The following DISC1 variants were observed in gnomAD, a reference collection of about 807,000 sequenced individuals.
DISC1 encodes the protein DISC1 scaffold protein.
DISC1 carries 57 observed loss-of-function variants against 84.5 expected under a neutral mutation model. The ratio of observed to expected loss-of-function variants is 0.67; its 90% CI spans 0.55 to 0.84. The LOEUF (loss-of-function observed/expected upper bound fraction) is 0.84, where lower values mean the gene tolerates loss of function less well. DISC1 is among the 40% of genes least tolerant of loss of function. DISC1 has a pLI of 0.00. For synonymous variants in DISC1, 411 were observed against 415.2 expected, an observed-to-expected ratio of 0.99 and a Z score of 0.12; for missense variants, 1,000 against 1,057.8, an observed-to-expected ratio of 0.95 and a Z score of 0.76.
rs117583228 is a variant in DISC1 at position 231,994,457 on chromosome 1, C to T, written c.2043-14328C>T. ...TCTATTGATTACTCCAAGGAAGGCACCAAGGTCAGCCCAGATTCAAGAGAG... is the reference window on the plus strand; with the variant it reads ...TCTATTGATTACTCCAAGGAAGGCATCAAGGTCAGCCCAGATTCAAGAGAG... On this transcript the variant is annotated intron_variant, in intron 10 of 12. Transcript: ENST00000439617. Among the ~76,000 whole-genome samples the T allele has an allele frequency of 4.1e-3, 624 of 152,286 alleles. 20 individuals carry two copies. In the South Asian group the frequency reaches 0.088, roughly 21 times the overall value.
intron 9 of DISC1, chr1:231,819,043 T>C (rs759920263): frequency 2.0e-6 from 2 of 988,602 alleles, no homozygotes; most frequent in Non-Finnish European, 2.4e-6. Flanking sequence ...AGTTCAAGTG[T>C]TCCTGTGTTC....
chr1:231,681,375 G>A (rs1354062100), intron 1 of DISC1, among the ~76,000 whole-genome samples: 2 of 151,858 alleles, frequency 1.3e-5, no homozygotes, highest in Non-Finnish European at 1.5e-5. Flanking sequence ...GTGTCTATGT[G>A]ATCCGTGTTG....
chr1:231,905,673 G>A (rs1035857148), intron 9 of DISC1, among the ~76,000 whole-genome samples: 1 of 151,984 alleles, frequency 6.6e-6, no homozygotes, highest in Non-Finnish European at 1.5e-5. Context: ...AACTCAAAGC[G>A]ACTAAGAGAC....
At chr1:231,790,778 A>G (rs970594637) in intron 6 of DISC1, among the ~76,000 whole-genome samples, 3 of 152,106 alleles carry the variant, frequency 2.0e-5, no homozygotes, top group Admixed American at 2.0e-4. Context: ...TCGGCCTCCC[A>G]AAGTGCTGGG....
intron 9 of DISC1, among the ~76,000 whole-genome samples, chr1:231,931,147 G>A (rs1202507752): frequency 1.3e-5 from 2 of 152,132 alleles, no homozygotes; most frequent in Non-Finnish European, 1.5e-5. Flanking sequence ...GGAGATGGAG[G>A]TAGTTCTTAG....
At chr1:231,677,361 G>A (rs1369243637) in intron 1 of DISC1, among the ~76,000 whole-genome samples, 2 of 152,138 alleles carry the variant, frequency 1.3e-5, no homozygotes, top group East Asian at 3.8e-4. Flanking sequence ...CACAAAGAAG[G>A]AAAAAGGGAG....
In DISC1 at chr1:231,694,720, G is replaced by A. The variant is rs764755492; in HGVS notation, c.962G>A (p.Gly321Glu). 8 of 1,614,052 alleles carry A rather than the reference G, an allele frequency of 5.0e-6. No homozygotes were observed. In the East Asian group the frequency reaches 1.6e-4, roughly 31 times the overall value. The change falls in exon 2 of 13, where the codon GGG becomes GAG. Residue 321 changes from glycine (G) to glutamate (E), a missense_variant. Gly to Glu is a moderately conservative substitution (Grantham distance 98). Around this residue, in one of 3 missense-constraint regions of DISC1, gnomAD observed 311 missense variants for 400.1 expected, o/e 0.78. Transcript: ENST00000439617. ...GGTGGTGATGGGAGCAGCGGCTCAGGGGATGCCCACTCTTGGGACACCCTG... is the reference window on the plus strand; with the variant it reads ...GGTGGTGATGGGAGCAGCGGCTCAGAGGATGCCCACTCTTGGGACACCCTG... The part of the protein sequence containing the change: ...GCGGDGSSGS[G>E]DAHSWDTLLR...
chr1:232,021,911 C>T (rs930352481), intron 11 of DISC1, among the ~76,000 whole-genome samples: 1 of 152,152 alleles, frequency 6.6e-6, no homozygotes, highest in Admixed American at 6.5e-5. Flanking sequence ...TGGCTGTTGA[C>T]TAGGGCTTTA....
intron 6 of DISC1, among the ~76,000 whole-genome samples, chr1:231,776,025 C>G (rs1189351720): frequency 6.6e-5 from 10 of 152,088 alleles, no homozygotes; most frequent in Admixed American, 5.9e-4. Context: ...GCATGAGGTT[C>G]CATCTATTTA....
intron 10 of DISC1, among the ~76,000 whole-genome samples, chr1:232,003,867 G>C (rs893881134): frequency 2.6e-5 from 4 of 151,888 alleles, no homozygotes; most frequent in African/African-American, 9.7e-5. Flanking sequence ...TAATGAAAAG[G>C]CTGTCTGTCA....
intron 3 of DISC1, among the ~76,000 whole-genome samples, chr1:231,743,487 G>A (rs1469863325): frequency 6.6e-6 from 1 of 152,182 alleles, no homozygotes; most frequent in African/African-American, 2.4e-5. Context: ...GTATCAGGAT[G>A]CTATTTTAGA....
At chr1:231,668,987 T>A (rs1254455054) in intron 1 of DISC1, among the ~76,000 whole-genome samples, 2 of 152,202 alleles carry the variant, frequency 1.3e-5, no homozygotes, top group African/African-American at 4.8e-5. Context: ...CTTCACATGT[T>A]CCTTATTTGA....
chr1:231,916,567 A>C (rs1208911559), intron 9 of DISC1, among the ~76,000 whole-genome samples: 1 of 148,034 alleles, frequency 6.8e-6, no homozygotes, highest in East Asian at 2.0e-4. Flanking sequence ...AGGCAGGAGA[A>C]TGGCGTGAAC....
intron 9 of DISC1, among the ~76,000 whole-genome samples, chr1:231,834,341 C>G (rs568899775): frequency 2.0e-5 from 3 of 151,878 alleles, no homozygotes; most frequent in Non-Finnish European, 4.4e-5. Flanking sequence ...GACTTAGCGA[C>G]GCTTGGGGTT....
chr1:231,774,598 G>A (rs1435439332), intron 6 of DISC1: 2 of 434,392 alleles, frequency 4.6e-6, no homozygotes, highest in South Asian at 1.7e-5. Context: ...GGCTGTGTAG[G>A]TGCACACTTT....
At chr1:231,907,128 TTC>T (rs1558717530) in intron 9 of DISC1, among the ~76,000 whole-genome samples, 73 of 50,946 alleles carry the variant, frequency 1.4e-3, no homozygotes, top group African/African-American at 5.2e-3. Context: ...CCTTCCTTCC[TTC>T]CTCTTTCTTT....
chr1:232,002,613 A>G (rs1666841108), intron 10 of DISC1, among the ~76,000 whole-genome samples: 2 of 147,310 alleles, frequency 1.4e-5, no homozygotes, highest in Admixed American at 6.7e-5. Context: ...ACACACACAC[A>G]CACACACACA....
chr1:231,740,525 A>G (rs1311017596), intron 3 of DISC1, among the ~76,000 whole-genome samples: 2 of 152,180 alleles, frequency 1.3e-5, no homozygotes, highest in African/African-American at 4.8e-5. Flanking sequence ...TATGGTCCTG[A>G]ATACCAGGGG....
intron 8 of DISC1, among the ~76,000 whole-genome samples, chr1:231,812,280 A>G (rs1356607186): frequency 2.0e-5 from 3 of 151,898 alleles, no homozygotes; most frequent in Non-Finnish European, 4.4e-5. Flanking sequence ...CTGGTCTCCA[A>G]CTCCTCAAGC....
Sources: allele counts gnomAD v4.1 joint callset (sites outside exome capture counted in the v4.1 genomes callset), GRCh38; gene constraint gnomAD v4.1.1; regional missense constraint gnomAD v4.1.1; transcripts MANE v1.5; gene names NCBI Gene and HGNC (gene_info 2026-07-23, HGNC 2026-07-21).